Variants in ADAM7 observed in about 807,000 individuals in gnomAD.
The protein encoded by ADAM7 is ADAM metallopeptidase domain 7.
ADAM7 carries 97 observed loss-of-function variants against 102.9 expected under a neutral mutation model. The ratio of observed to expected loss-of-function variants is 0.94; its 90% CI spans 0.80 to 1.12. The LOEUF is 1.12. ADAM7 is among the 50% of genes most tolerant of loss of function. ADAM7 has a pLI of 0.00. For missense variants in ADAM7, 991 were observed against 908.7 expected, an observed-to-expected ratio of 1.09 and a Z score of -1.16; for synonymous variants, 334 against 304.4, an observed-to-expected ratio of 1.10 and a Z score of -1.01.
At chr8:24,483,313 A>G (rs571415155) in intron 9 of ADAM7, among the ~76,000 whole-genome samples, 1 of 152,184 alleles carries the variant, frequency 6.6e-6, no homozygotes, top group Non-Finnish European at 1.5e-5. Flanking sequence ...ATCCTAAAGA[A>G]TGCTAAATTG....
rs778043558 is a variant in ADAM7, at chr8:24,442,472, G to A, written c.53-1G>A. 1 of 1,609,984 alleles carries A rather than the reference G, an allele frequency of 6.2e-7. No individual in the cohort carries two copies. Among genetic ancestry groups the A allele is most frequent in the South Asian group, 1.1e-5 (1 of 90,984 alleles). ...TTTTTTCCTCTTATGTTTCCTCGTA[G>A]AAAAGTTCATCCTTGGAGTAGAGGG... On this transcript the variant is annotated splice_acceptor_variant, in intron 1 of 21. Transcript: ENST00000175238. LOFTEE classifies it high-confidence loss of function.
At chr8:24,442,246 G>C (rs1447277179) in intron 1 of ADAM7, among the ~76,000 whole-genome samples, 1 of 151,970 alleles carries the variant, frequency 6.6e-6, no homozygotes, top group African/African-American at 2.4e-5. Flanking sequence ...AGGAAATGGA[G>C]GGACACTGAT....
chr8:24,507,018 A>T (rs533441524), intron 20 of ADAM7, among the ~76,000 whole-genome samples: 1 of 152,142 alleles, frequency 6.6e-6, no homozygotes, highest in East Asian at 1.9e-4. Context: ...GGTTGCAGAG[A>T]ATCCTCAGAT....
intron 20 of ADAM7, chr8:24,506,210 A>G (rs1820945524): frequency 1.5e-6 from 2 of 1,337,196 alleles, no homozygotes; most frequent in Admixed American, 2.4e-5. Flanking sequence ...TCCAATAATA[A>G]TTTTCATGAA....
chr8:24,491,865 T>C, intron 13 of ADAM7, 38 bp from the exon 14 acceptor site: 1 of 1,508,828 alleles, frequency 6.6e-7, no homozygotes, highest in Non-Finnish European at 8.9e-7. Context: ...CCTACCTAAA[T>C]GTATCCAGGA....
Position 24,493,202 on chromosome 8 carries a change from G to A in ADAM7, c.1815G>A (p.Ala605=), listed in dbSNP as rs12547971. The A allele has an allele frequency of 0.08, 128,411 of 1,606,174 alleles. 5,612 individuals carry two copies. The highest frequency in any genetic ancestry group is 0.13 in the Admixed American group (7,861 of 58,498). The change falls in exon 16 of 22, where the codon GCG becomes GCA. Residue 605 remains alanine, a synonymous_variant. Coordinates refer to ENST00000175238, the MANE Select transcript of ADAM7 (RefSeq NM_003817.4). ...YHDSTDIGLV[A]SGTKCGEGMV... is the part of the protein sequence containing the mutation. Reference sequence around the variant, plus strand: ...ATTCTACAGACATTGGCCTGGTGGCGTCAGGAACAAAATGTGGAGAGGGAA... The same window carrying A: ...ATTCTACAGACATTGGCCTGGTGGCATCAGGAACAAAATGTGGAGAGGGAA...
chr8:24,481,385 C>A (rs1360947228), intron 8 of ADAM7, among the ~76,000 whole-genome samples: 1 of 152,136 alleles, frequency 6.6e-6, no homozygotes. Flanking sequence ...ATGATCTTTC[C>A]ATTTCTGTTC....
intron 1 of ADAM7, among the ~76,000 whole-genome samples, chr8:24,441,428 T>C (rs1381729364): frequency 6.6e-6 from 1 of 152,204 alleles, no homozygotes; most frequent in African/African-American, 2.4e-5. Context: ...GGCCATTAGC[T>C]GCTTTGTATG....
At position 24,509,157 on chromosome 8, in the gene ADAM7, A is replaced by G; in HGVS notation, c.*611A>G. ...AACACAGAATGCTCCTGGCAATTCT[A>G]AATTCCTAGGTTTGCCTTTCTAGAA... is the stretch of plus-strand genomic sequence containing the variant. On this transcript the variant is annotated 3_prime_UTR_variant, in exon 22 of 22. Coordinates refer to ENST00000175238, the MANE Select transcript of ADAM7 (RefSeq NM_003817.4). 1 of 985,464 alleles carries G rather than the reference A, an allele frequency of 1.0e-6. No homozygotes were observed. The highest frequency in any genetic ancestry group is 1.2e-6 in the Non-Finnish European group (1 of 829,980). The allele number at this position is 985,464 out of a possible 1,614,324, so 61.0% of individuals were successfully genotyped here. A position where few individuals can be genotyped will look rare whatever the true frequency, so the allele number is the denominator to read the frequency against.
chr8:24,444,446 GA>G (rs1030430483), intron 2 of ADAM7, among the ~76,000 whole-genome samples: 1 of 151,846 alleles, frequency 6.6e-6, no homozygotes, highest in African/African-American at 2.4e-5. Context: ...CTGAAGGGGG[GA>G]AAGAGTCATT....
chr8:24,500,217 C>T lies in ADAM7; in HGVS notation c.1963C>T (p.Gln655Ter). The T allele has an allele frequency of 6.2e-7, 1 of 1,612,212 alleles. No homozygotes were observed. The highest frequency in any genetic ancestry group is 8.5e-7 in the Non-Finnish European group (1 of 1,178,682). ...ACTCCAGTGCCACTGTGAGGAAGGACAGGCACCTGTAGCCTGTGAAGAAAC... is the reference window on the plus strand; with the variant it reads ...ACTCCAGTGCCACTGTGAGGAAGGATAGGCACCTGTAGCCTGTGAAGAAAC... ...HGLQCHCEEG[Q>*]APVACEETLH... The change falls in exon 18 of 22, where the codon CAG (glutamine) becomes TAG (stop). Residue 655 changes from glutamine (Q) to a stop codon, truncating the protein, a stop_gained. Transcript: ENST00000175238. LOFTEE classifies it high-confidence loss of function.
chr8:24,482,284 A>C lies in ADAM7; in HGVS notation c.848A>C (p.Lys283Thr). 6.2e-7 allele frequency: 1 copy of C among 1,611,474 alleles called. No homozygotes were observed. Among genetic ancestry groups the C allele is most frequent in the Non-Finnish European group, 8.5e-7 (1 of 1,179,164 alleles). ...FWQEKILKTR[K>T]DFDHVVLLSG... Reference sequence around the variant, plus strand: ...CAAGAAAAGATCCTTAAAACACGGAAGGATTTTGATCATGTTGTATTACTC... The same window carrying C: ...CAAGAAAAGATCCTTAAAACACGGACGGATTTTGATCATGTTGTATTACTC... Residue 283 changes from lysine (K) to threonine (T), a missense_variant, in exon 9 of 22, where the codon AAG (lysine) becomes ACG (threonine). By Grantham distance (78) the Lys-to-Thr change is moderately conservative. Coordinates refer to ENST00000175238, the MANE Select transcript of ADAM7 (RefSeq NM_003817.4).
rs1412770317 is a variant in ADAM7, at chr8:24,493,173, C to A, written c.1786C>A (p.His596Asn). The change falls in exon 16 of 22, where the codon CAT (histidine) becomes AAT (asparagine). Residue 596 changes from histidine (H) to asparagine (N), a missense_variant. Coordinates refer to ENST00000175238, the MANE Select transcript of ADAM7 (RefSeq NM_003817.4). ...CAAATGCAAAACTATTTTTTTATAC[C>A]ATGATTCTACAGACATTGGCCTGGT... ...TVKCKTIFLY[H>N]DSTDIGLVAS... is the part of the protein sequence containing the mutation. 1.9e-6 allele frequency: 3 copies of A among 1,612,738 alleles called. No individual in the cohort carries two copies. The highest frequency in any genetic ancestry group is 8.5e-7 in the Non-Finnish European group (1 of 1,179,416).
At position 24,508,671 on chromosome 8, in the gene ADAM7, T is replaced by C. The variant is rs1821029845; in HGVS notation, c.*125T>C. Reference sequence around the variant, plus strand: ...TTGGTAGTGTTTCAAACGTTCTTTATCCAGACAGACAATGTTTAAGAGAAA... The same window carrying C: ...TTGGTAGTGTTTCAAACGTTCTTTACCCAGACAGACAATGTTTAAGAGAAA... On this transcript the variant is annotated 3_prime_UTR_variant, in exon 22 of 22. Transcript: ENST00000175238. 4 of 1,553,986 alleles carry C rather than the reference T, an allele frequency of 2.6e-6. No homozygotes were observed. Among genetic ancestry groups the C allele is most frequent in the Non-Finnish European group, 3.5e-6 (4 of 1,146,110 alleles).
At chr8:24,499,354 G>A (rs1820668150) in intron 17 of ADAM7, 38 bp downstream of exon 17, 2 of 1,492,590 alleles carry the variant, frequency 1.3e-6, no homozygotes, top group African/African-American at 2.8e-5. Flanking sequence ...TGTCTTATCA[G>A]CCATATATTT....
intron 8 of ADAM7, among the ~76,000 whole-genome samples, chr8:24,477,544 T>C (rs1819805906): frequency 7.7e-6 from 1 of 130,414 alleles, no homozygotes; most frequent in African/African-American, 2.9e-5. Context: ...AGCTGGTCTA[T>C]GTGTCCCTTG....
At chr8:24,464,525 C>T (rs1434864502) in intron 4 of ADAM7, among the ~76,000 whole-genome samples, 1 of 152,136 alleles carries the variant, frequency 6.6e-6, no homozygotes, top group South Asian at 2.1e-4. Flanking sequence ...TCCTCTGTAA[C>T]CTTCTACCAA....
At chr8:24,441,613 C>T (rs1168184334) in intron 1 of ADAM7, among the ~76,000 whole-genome samples, 1 of 152,138 alleles carries the variant, frequency 6.6e-6, no homozygotes, top group African/African-American at 2.4e-5. Context: ...TTTTATTGCT[C>T]TTTAAGTATC....
chr8:24,452,166 C>G (rs1193638897), intron 3 of ADAM7, among the ~76,000 whole-genome samples: 1 of 151,234 alleles, frequency 6.6e-6, no homozygotes, highest in African/African-American at 2.4e-5. Context: ...TCTGTTAGGT[C>G]CACTTGGTGC....
Sources: gnomAD v4.1 joint callset for allele counts (sites outside exome capture counted in the v4.1 genomes callset) on GRCh38, gnomAD v4.1.1 for gene constraint, MANE v1.5 for transcripts, NCBI Gene and HGNC (gene_info 2026-07-23, HGNC 2026-07-21) for gene names.